Variants in NUP205 observed in about 807,000 individuals in gnomAD.
NUP205 encodes the protein nuclear pore complex protein Nup205.
A neutral mutation model predicts 253.8 loss-of-function variants in NUP205; 76 were observed. The ratio of observed to expected loss-of-function variants is 0.30; its 90% CI spans 0.25 to 0.36. NUP205 has a LOEUF of 0.36. NUP205 is among the 10% of genes least tolerant of loss of function. The pLI, the probability that NUP205 is intolerant of heterozygous loss-of-function variation, is 1.00. For synonymous variants in NUP205, 832 were observed against 850.1 expected (o/e 0.98, Z 0.37); for missense variants, 2,162 against 2,425.5 (o/e 0.89, Z 2.28).
intron 2 of NUP205, 33 bp from the exon 3 acceptor site, chr7:135,573,621 A>G (rs369866120): frequency 6.3e-7 from 1 of 1,580,818 alleles, no homozygotes; most frequent in African/African-American, 1.4e-5. Flanking sequence ...CCAGTGTGCT[A>G]TTTTCATAAC....
chr7:135,558,920 A>G (rs1411277266), intron 1 of NUP205, among the ~76,000 whole-genome samples: 1 of 152,168 alleles, frequency 6.6e-6, no homozygotes, highest in Non-Finnish European at 1.5e-5. Flanking sequence ...CACAGGACTG[A>G]TATTCTTGAA....
chr7:135,630,942 T>G (rs4492299), intron 35 of NUP205, among the ~76,000 whole-genome samples: 23,960 of 151,746 alleles, frequency 0.16, 2,061 homozygotes, highest in Middle Eastern at 0.19. Flanking sequence ...GTTTTGTTTT[T>G]TTTTTTTAAG....
intron 34 of NUP205, 69 bp from the exon 35 acceptor site, chr7:135,630,275 T>G: frequency 3.5e-6 from 4 of 1,139,698 alleles, no homozygotes; most frequent in Non-Finnish European, 4.8e-6. Context: ...ATAAAATGAA[T>G]TATGCATTTA....
intron 15 of NUP205, among the ~76,000 whole-genome samples, 159 bp downstream of exon 15, chr7:135,598,366 A>G (rs1273329388): frequency 6.6e-6 from 1 of 152,192 alleles, no homozygotes; most frequent in African/African-American, 2.4e-5. Flanking sequence ...GTTTATGTGC[A>G]CTAAAAAATA....
In NUP205 at chr7:135,591,417, A is replaced by C. The variant is rs776448122; in HGVS notation, c.1474-33A>C. 4.4e-6 allele frequency: 7 copies of C among 1,601,826 alleles called. No homozygotes were observed. The African/African-American group carries it at 5.4e-5, about 12-fold the overall frequency. On this transcript the variant is annotated intron_variant, in intron 10 of 42. Transcript: ENST00000285968. ...GTGTTGCCTTAAAGTTAAGATATAC[A>C]TTATATAAACCATTTGTTTCTCTCT...
rs79697712 is a variant in NUP205, at chr7:135,574,107, A to G, written c.343+282A>G. On this transcript the variant is annotated intron_variant, in intron 3 of 42. Coordinates refer to ENST00000285968, the MANE Select transcript of NUP205 (RefSeq NM_015135.3). ...CATGTCTCAGCCTCCCGAGTAGTTGAGATTACAGGCATGTGCCACCATGCC... is the reference window on the plus strand; with the variant it reads ...CATGTCTCAGCCTCCCGAGTAGTTGGGATTACAGGCATGTGCCACCATGCC... Among the ~76,000 whole-genome samples, 3,811 of 152,012 alleles carry G rather than the reference A, an allele frequency of 0.025. 80 individuals are homozygous for G. The highest frequency in any genetic ancestry group is 0.077 in the South Asian group (370 of 4,812).
In NUP205 at chr7:135,589,861, T is replaced by G. The variant is rs145879235; in HGVS notation, c.1474-1589T>G. Among the ~76,000 whole-genome samples, 587 of 151,150 alleles carry G rather than the reference T, an allele frequency of 3.9e-3. 13 individuals are homozygous for G. The highest frequency in any genetic ancestry group is 0.038 in the East Asian group (198 of 5,158). ...GGTGGGAGGATCATTTGGGCTGCAG[T>G]GAGCTGTGATTGTGCTACTACATTC... On this transcript the variant is annotated intron_variant, in intron 10 of 42. Transcript: ENST00000285968.
chr7:135,622,924 G>T lies in NUP205; in HGVS notation c.4478G>T (p.Arg1493Met), dbSNP rs370800868. ...RDACDGHEIG[R>M]MLALALLDRI... ...GCTTGTGATGGTCATGAGATTGGAA[G>T]GGTAAAGCAACTCTTATTTAGTATT... The change falls in exon 31 of 43, where the codon AGG becomes ATG. Residue 1493 changes from arginine to methionine, a missense_variant and splice_region_variant. Physicochemically the swap from Arg to Met is moderately conservative, Grantham distance 91. Coordinates refer to ENST00000285968, the MANE Select transcript of NUP205 (RefSeq NM_015135.3). 36 of 1,613,372 alleles carry T rather than the reference G, an allele frequency of 2.2e-5. No homozygotes were observed. Among genetic ancestry groups the T allele is most frequent in the Middle Eastern group, 1.6e-4 (1 of 6,076 alleles).
At position 135,648,597 on chromosome 7, in the gene NUP205, G is replaced by T; in HGVS notation, c.*41G>T. 1 of 1,390,820 alleles carries T rather than the reference G, an allele frequency of 7.2e-7. No homozygotes were observed. Among genetic ancestry groups the T allele is most frequent in the South Asian group, 1.8e-5 (1 of 57,126 alleles). The allele number at this position is 1,390,820 out of a possible 1,614,324, so 86.2% of individuals were successfully genotyped here. On this transcript the variant is annotated 3_prime_UTR_variant, in exon 43 of 43. Transcript: ENST00000285968. ...CTCTTCTATGAGAGAGATGAATTGG[G>T]GAGAATTGTCTCCATTTTATAGATT...
chr7:135,614,986 C>T (rs971074415), intron 23 of NUP205, among the ~76,000 whole-genome samples: 4 of 152,080 alleles, frequency 2.6e-5, no homozygotes, highest in Non-Finnish European at 4.4e-5. Flanking sequence ...TGGCGTTAGA[C>T]CTCTGAGAAT....
chr7:135,587,480 T>C (rs1452864818), intron 8 of NUP205, 95 bp from the exon 9 acceptor site: 4 of 557,666 alleles, frequency 7.2e-6, no homozygotes, highest in African/African-American at 1.9e-5. Flanking sequence ...AATATATTCT[T>C]GTATGTAGTC....
intron 37 of NUP205, 109 bp from the exon 38 acceptor site, chr7:135,638,448 A>C: frequency 1.3e-6 from 1 of 793,656 alleles, no homozygotes; most frequent in Non-Finnish European, 2.1e-6. Context: ...CACAGATGTG[A>C]GTCATTTTAC....
chr7:135,563,377 C>T (rs929030420), intron 1 of NUP205, among the ~76,000 whole-genome samples: 9 of 151,856 alleles, frequency 5.9e-5, no homozygotes, highest in Non-Finnish European at 8.8e-5. Flanking sequence ...TTGGTAGAGA[C>T]GGGGTTTCGC....
At chr7:135,586,959 TC>T (rs1347286146) in intron 8 of NUP205, among the ~76,000 whole-genome samples, 1 of 152,218 alleles carries the variant, frequency 6.6e-6, no homozygotes, top group Non-Finnish European at 1.5e-5. Flanking sequence ...TTTCAAGTTT[TC>T]CATATCCTTA....
chr7:135,617,313 A>G (rs962042204), intron 26 of NUP205, 66 bp downstream of exon 26: 2 of 1,426,748 alleles, frequency 1.4e-6, no homozygotes, highest in Non-Finnish European at 1.9e-6. Context: ...CATCAGAAAC[A>G]AATAGAACCA....
At position 135,627,822 on chromosome 7, in the gene NUP205, C is replaced by T. The variant is rs1022399752; in HGVS notation, c.4794-151C>T. The T allele has an allele frequency of 6.6e-5, 38 of 577,674 alleles. No homozygotes were observed. In the Admixed American group the frequency reaches 1.0e-3, roughly 15 times the overall value. The allele number at this position is 577,674 out of a possible 1,614,324, so 35.8% of individuals were successfully genotyped here. On this transcript the variant is annotated intron_variant, in intron 33 of 42. Transcript: ENST00000285968. ...TTAGGAAGACACATCTTTCTCTGGA[C>T]CGCGGATGTATATATGGGATGCAGA... is the stretch of plus-strand genomic sequence containing the variant.
At chr7:135,636,792 G>A (rs1284143699) in intron 36 of NUP205, among the ~76,000 whole-genome samples, 1 of 152,176 alleles carries the variant, frequency 6.6e-6, no homozygotes, top group Non-Finnish European at 1.5e-5. Context: ...GATCGCTTGA[G>A]GCCAGGAGTT....
intron 10 of NUP205, among the ~76,000 whole-genome samples, chr7:135,590,676 G>C (rs1054688008): frequency 6.6e-6 from 1 of 151,978 alleles, no homozygotes; most frequent in Non-Finnish European, 1.5e-5. Context: ...GGGACTACAG[G>C]TGTGTGCCAC....
chr7:135,561,771 T>G (rs541750126), intron 1 of NUP205, among the ~76,000 whole-genome samples: 1 of 152,274 alleles, frequency 6.6e-6, no homozygotes, highest in East Asian at 1.9e-4. Context: ...GTATATTCAC[T>G]TCTCTCTCTT....
Sources: gnomAD v4.1 joint callset for allele counts (sites outside exome capture counted in the v4.1 genomes callset) on GRCh38, gnomAD v4.1.1 for gene constraint, MANE v1.5 for transcripts, NCBI Gene and HGNC (gene_info 2026-07-23, HGNC 2026-07-21) for gene names.